The following GRID1 variants were observed in gnomAD, a reference collection of about 807,000 sequenced individuals.
GRID1 encodes glutamate receptor ionotropic, delta-1.
In GRID1, 28 loss-of-function variants were observed where a neutral mutation model predicts 98.0. The ratio of observed to expected loss-of-function variants is 0.29; its 90% confidence interval spans 0.21 to 0.39. GRID1 has a LOEUF of 0.39. Ranked by LOEUF, GRID1 falls within the 10% of genes least tolerant of loss-of-function variation. The pLI, the probability that GRID1 is intolerant of heterozygous loss-of-function variation, is 1.00. For synonymous variants in GRID1, 553 were observed against 538.5 expected, an observed-to-expected ratio of 1.03 and a Z score of -0.37; for missense variants, 1,111 against 1,340.5, an observed-to-expected ratio of 0.83 and a Z score of 2.67.
At chr10:85,883,514 C>G (rs571140401) in intron 5 of GRID1, among the ~76,000 whole-genome samples, 2 of 150,156 alleles carry the variant, frequency 1.3e-5, no homozygotes, top group South Asian at 2.1e-4. Flanking sequence ...CTCTCTGTCT[C>G]TCTCTCTCTC....
chr10:86,128,079 C>A (rs1189584981), intron 4 of GRID1, among the ~76,000 whole-genome samples: 5 of 152,138 alleles, frequency 3.3e-5, no homozygotes, highest in Non-Finnish European at 7.4e-5. Context: ...GCTCCAAGGA[C>A]AATGCCCCTT....
At position 85,729,633 on chromosome 10, in the gene GRID1, G is replaced by A. The variant is rs372444528; in HGVS notation, c.1234-19C>T. ...TCGCCAACTGTGAAGGAAAAATAAA[G>A]ATTGTGAGGGATGGAACTGGCACCC... On this transcript the variant is annotated intron_variant, in intron 8 of 15. Transcript: ENST00000327946. The A allele has an allele frequency of 6.6e-7, 1 of 1,507,044 alleles. No individual in the cohort carries two copies. Among genetic ancestry groups the A allele is most frequent in the East Asian group, 2.3e-5 (1 of 44,328 alleles). The allele number at this position is 1,507,044 out of a possible 1,614,324, so 93.4% of individuals were successfully genotyped here.
In GRID1 at chr10:86,131,858, G is replaced by A. The variant is rs540847045; in HGVS notation, c.726+6961C>T. 3.3e-5 allele frequency among the ~76,000 whole-genome samples: 5 copies of A among 152,290 alleles called. No individual in the cohort carries two copies. In the South Asian group the frequency reaches 1.0e-3, roughly 32 times the overall value. On this transcript the variant is annotated intron_variant, in intron 4 of 15. Transcript: ENST00000327946. ...AGACAACGTTTGTGTGGGGACAGAAGTCGGTGCTCCTGGGGTCCCACCCTC... is the reference window on the plus strand; with the variant it reads ...AGACAACGTTTGTGTGGGGACAGAAATCGGTGCTCCTGGGGTCCCACCCTC...
intron 2 of GRID1, among the ~76,000 whole-genome samples, chr10:86,337,179 T>G (rs1459936241): frequency 1.3e-5 from 2 of 152,008 alleles, no homozygotes; most frequent in African/African-American, 4.8e-5. Context: ...TCTGACCGAC[T>G]CATCGAACAA....
intron 4 of GRID1, among the ~76,000 whole-genome samples, chr10:85,935,013 T>C (rs1016177623): frequency 1.3e-5 from 2 of 152,236 alleles, no homozygotes; most frequent in African/African-American, 2.4e-5. Flanking sequence ...ATAGACTTCA[T>C]AGAAGTAAGT....
chr10:86,137,344 A>C (rs1844942254), intron 4 of GRID1, among the ~76,000 whole-genome samples: 1 of 152,226 alleles, frequency 6.6e-6, no homozygotes, highest in Non-Finnish European at 1.5e-5. Context: ...AAGGTCACAC[A>C]AATAATAAGT....
In GRID1 at chr10:85,981,429, C is replaced by G. The variant is rs141423022; in HGVS notation, c.727-65190G>C. Among the ~76,000 whole-genome samples the G allele has an allele frequency of 6.1e-3, 923 of 152,254 alleles. 13 individuals are homozygous for G. Among genetic ancestry groups the G allele is most frequent in the African/African-American group, 0.021 (864 of 41,570 alleles). ...TGGAAGCAGCTGGCTGCCAGGGATG[C>G]TAACTTCACAAGGGCTACAATGCCT... is the stretch of plus-strand genomic sequence containing the variant. On this transcript the variant is annotated intron_variant, in intron 4 of 15. Transcript: ENST00000327946.
At chr10:85,783,536 G>T (rs759695000) in intron 8 of GRID1, among the ~76,000 whole-genome samples, 12 of 152,192 alleles carry the variant, frequency 7.9e-5, no homozygotes, top group Non-Finnish European at 1.3e-4. Context: ...TATAGCTCTT[G>T]TGGTTGCCAG....
intron 2 of GRID1, among the ~76,000 whole-genome samples, chr10:86,210,223 CAG>C (rs1046629781): frequency 6.6e-6 from 1 of 152,146 alleles, no homozygotes; most frequent in Admixed American, 6.5e-5. Flanking sequence ...AAGGTGGGTG[CAG>C]AGTGACAAAG....
intron 12 of GRID1, among the ~76,000 whole-genome samples, chr10:85,698,651 C>T (rs1841419434): frequency 6.6e-6 from 1 of 152,136 alleles, no homozygotes; most frequent in Non-Finnish European, 1.5e-5. Flanking sequence ...TTTGTGTGGG[C>T]ATATATTCTT....
chr10:86,334,259 A>C (rs1292393639), intron 2 of GRID1, among the ~76,000 whole-genome samples: 1 of 152,182 alleles, frequency 6.6e-6, no homozygotes, highest in Admixed American at 6.5e-5. Context: ...AGAGTATATA[A>C]TTAAAATAAC....
chr10:86,334,405 A>G (rs1417977007), intron 2 of GRID1, among the ~76,000 whole-genome samples: 1 of 152,144 alleles, frequency 6.6e-6, no homozygotes, highest in African/African-American at 2.4e-5. Flanking sequence ...CTTCTGGCAC[A>G]GAAAGCAGAT....
At chr10:86,346,232 C>G (rs1273630490) in intron 2 of GRID1, among the ~76,000 whole-genome samples, 2 of 152,236 alleles carry the variant, frequency 1.3e-5, no homozygotes, top group East Asian at 3.8e-4. Flanking sequence ...CGTCTCCGCC[C>G]CAGCCCACCT....
intron 3 of GRID1, among the ~76,000 whole-genome samples, chr10:86,186,595 CA>C (rs1310201265): frequency 3.9e-5 from 6 of 152,210 alleles, no homozygotes; most frequent in African/African-American, 1.4e-4. Context: ...TGACCTTAAT[CA>C]AGTTCAATAG....
intron 5 of GRID1, among the ~76,000 whole-genome samples, chr10:85,912,772 G>C (rs1841558386): frequency 6.6e-6 from 1 of 152,234 alleles, no homozygotes; most frequent in Admixed American, 6.5e-5. Context: ...GTTGGAAAGT[G>C]AGCCAGTAAA....
chr10:85,828,404 CA>C (rs1465085817), intron 8 of GRID1, among the ~76,000 whole-genome samples: 1 of 151,874 alleles, frequency 6.6e-6, no homozygotes, highest in Non-Finnish European at 1.5e-5. Context: ...GAGATCAAAA[CA>C]ACTCCAAAGG....
At chr10:86,218,008 C>T (rs1846200717) in intron 2 of GRID1, among the ~76,000 whole-genome samples, 1 of 152,200 alleles carries the variant, frequency 6.6e-6, no homozygotes, top group South Asian at 2.1e-4. Context: ...CAGCAGGCTC[C>T]AGCATCCCTC....
Position 86,143,884 on chromosome 10 carries a change from G to A in GRID1, c.521-4860C>T, listed in dbSNP as rs182723676. Among the ~76,000 whole-genome samples the A allele has an allele frequency of 8.9e-4, 135 of 152,286 alleles. 2 individuals carry two copies. In the East Asian group the frequency reaches 0.02, roughly 23 times the overall value. The stretch of plus-strand genomic sequence containing the variant: ...ACTCCTGCAAGGAATGCAAGGTGAC[G>A]GTGCCCAGGTCAGGCCTTGACATCG... On this transcript the variant is annotated intron_variant, in intron 3 of 15. Coordinates refer to ENST00000327946, the MANE Select transcript of GRID1 (RefSeq NM_017551.3).
chr10:86,280,540 G>A (rs1467027332), intron 2 of GRID1, among the ~76,000 whole-genome samples: 1 of 152,182 alleles, frequency 6.6e-6, no homozygotes, highest in African/African-American at 2.4e-5. Context: ...GTGAAAGCAG[G>A]AGGAGCAAAG....
Sources: allele counts gnomAD v4.1 joint callset (sites outside exome capture counted in the v4.1 genomes callset), GRCh38; gene constraint gnomAD v4.1.1; transcripts MANE v1.5; gene names NCBI Gene and HGNC (gene_info 2026-07-23, HGNC 2026-07-21).